The following ZMYM4 variants were observed in gnomAD, a reference collection of about 807,000 sequenced individuals.
ZMYM4 encodes zinc finger MYM-type containing 4.
ZMYM4 carries 31 observed loss-of-function variants against 183.2 expected under a neutral mutation model. The observed-to-expected ratio is 0.17, with a 90% CI of 0.13 to 0.23. The LOEUF is 0.23. Ranked by LOEUF, ZMYM4 falls within the 10% of genes least tolerant of loss-of-function variation. The pLI is 1.00. For missense variants in ZMYM4, 1,273 were observed against 1,840.3 expected (o/e 0.69, Z 5.64); for synonymous variants, 592 against 631.2 (o/e 0.94, Z 0.93).
rs1378984024 is a variant in ZMYM4, at chr1:35,399,509, A to G, written c.3461A>G (p.Gln1154Arg). ...SDSFDPLNKG[Q>R]GIQARSRTRR... ...TCCTTTGACCCACTTAATAAAGGAC[A>G]GGGAATCCAGGCACGTTCCCGAACA... Residue 1154 changes from glutamine to arginine, a missense_variant, in exon 23 of 30, where the codon CAG becomes CGG. By Grantham distance (43) the Gln-to-Arg change is conservative. This residue lies in a region of ZMYM4 where 133 missense variants were observed against 155.7 expected (regional missense o/e 0.85). Transcript: ENST00000314607. 5 of 1,614,178 alleles carry G rather than the reference A, an allele frequency of 3.1e-6. No individual in the cohort carries two copies. The highest frequency in any genetic ancestry group is 4.2e-6 in the Non-Finnish European group (5 of 1,180,016).
intron 19 of ZMYM4, 139 bp from the exon 20 acceptor site, chr1:35,397,238 G>C: frequency 1.8e-6 from 2 of 1,116,870 alleles, no homozygotes; most frequent in Non-Finnish European, 2.3e-6. Flanking sequence ...AAACAAACTA[G>C]CAAGACTATT....
chr1:35,359,579 G>C, intron 3 of ZMYM4, 133 bp downstream of exon 3: 1 of 977,010 alleles, frequency 1.0e-6, no homozygotes, highest in South Asian at 2.3e-5. Context: ...TTTTTCTTTT[G>C]TCCTTGTTCT....
chr1:35,417,085 A>C (rs1640146018), intron 28 of ZMYM4, among the ~76,000 whole-genome samples: 1 of 152,142 alleles, frequency 6.6e-6, no homozygotes, highest in South Asian at 2.1e-4. Context: ...TTAAGAGCAG[A>C]TATAGGCTGA....
At chr1:35,402,176 G>A (rs1644921853) in intron 23 of ZMYM4, among the ~76,000 whole-genome samples, 1 of 151,126 alleles carries the variant, frequency 6.6e-6, no homozygotes, top group Admixed American at 6.6e-5. Flanking sequence ...TGAATCCAGA[G>A]GGAGAGAATT....
At chr1:35,370,215 C>T (rs1393229976) in intron 6 of ZMYM4, 102 bp downstream of exon 6, 2 of 1,504,108 alleles carry the variant, frequency 1.3e-6, no homozygotes, top group Non-Finnish European at 1.8e-6. Context: ...TCTCTACCCA[C>T]TTAGGATGCC....
chr1:35,337,462 A>G (rs575487591), intron 2 of ZMYM4, among the ~76,000 whole-genome samples: 14 of 152,274 alleles, frequency 9.2e-5, no homozygotes, highest in Admixed American at 3.3e-4. Flanking sequence ...ATTCTTGCAT[A>G]TGTTTCTTTA....
chr1:35,311,419 T>C lies in ZMYM4; in HGVS notation c.40-13941T>C, dbSNP rs190657123. On this transcript the variant is annotated intron_variant, in intron 1 of 29. Transcript: ENST00000314607. The stretch of plus-strand genomic sequence containing the variant: ...CCTCGGCAACAAGAGCAAAACTCTG[T>C]CTCAAAAAAAAAAAAAAAAAAGTCA... Among the ~76,000 whole-genome samples the C allele has an allele frequency of 6.9e-5, 10 of 143,982 alleles. No individual in the cohort carries two copies. The East Asian group carries it at 2.0e-3, about 29-fold the overall frequency. The allele number at this position is 143,982 out of a possible 152,430, so 94.5% of individuals were successfully genotyped here. A position where few individuals can be genotyped will look rare whatever the true frequency, so the allele number is the denominator to read the frequency against.
In ZMYM4 at chr1:35,405,364, C is replaced by G; in HGVS notation, c.3701-9C>G. The G allele has an allele frequency of 1.3e-6, 2 of 1,596,874 alleles. No individual in the cohort carries two copies. Among genetic ancestry groups the G allele is most frequent in the South Asian group, 2.3e-5 (2 of 87,124 alleles). ...TTAAACTTTTCTTTTATGTTTCTCT[C>G]CTTGTCAGGGGTTGAACAGGCCTCA... On this transcript the variant is annotated splice_polypyrimidine_tract_variant and intron_variant, in intron 24 of 29. Transcript: ENST00000314607.
chr1:35,314,059 G>A (rs1641924721), intron 1 of ZMYM4, among the ~76,000 whole-genome samples: 1 of 152,072 alleles, frequency 6.6e-6, no homozygotes, highest in African/African-American at 2.4e-5. Flanking sequence ...TTAAATAATT[G>A]AGAAAACTTT....
At chr1:35,351,578 A>G in intron 2 of ZMYM4, 1 of 834,980 alleles carries the variant, frequency 1.2e-6, no homozygotes, top group Non-Finnish European at 2.0e-6. Flanking sequence ...AAACTCCCTC[A>G]GAGCTCAGGA....
At chr1:35,351,225 G>A in intron 2 of ZMYM4, 1 of 1,475,022 alleles carries the variant, frequency 6.8e-7, no homozygotes, top group Non-Finnish European at 9.5e-7. Context: ...TGTGGATGGA[G>A]GCTTGTCTGT....
chr1:35,343,547 C>CT (rs1362353831), intron 2 of ZMYM4, among the ~76,000 whole-genome samples: 1 of 152,034 alleles, frequency 6.6e-6, no homozygotes, highest in Non-Finnish European at 1.5e-5. Flanking sequence ...ATCACACTGT[C>CT]TTGGTTAATT....
Position 35,389,897 on chromosome 1 carries a change from C to T in ZMYM4, c.2437-51C>T. The T allele has an allele frequency of 1.3e-6, 2 of 1,547,662 alleles. No homozygotes were observed. The highest frequency in any genetic ancestry group is 1.7e-6 in the Non-Finnish European group (2 of 1,143,714). On this transcript the variant is annotated intron_variant, in intron 14 of 29. Transcript: ENST00000314607. The surrounding 1 kb of genome is among the most constrained non-coding windows in gnomAD (Gnocchi z 4.0). The stretch of plus-strand genomic sequence containing the variant: ...TATGTGTGTCTTATTTTTATTTTGT[C>T]AGACCACAGATAATTTGTTTCTTAC...
chr1:35,331,791 A>AAAATAAAT (rs562461345), intron 2 of ZMYM4, among the ~76,000 whole-genome samples: 993 of 84,458 alleles, frequency 0.012, 5 homozygotes, highest in Admixed American at 0.032. Context: ...CTCCATCTCA[A>AAAATAAAT]AAATACATAA....
chr1:35,415,072 G>T (rs1640060257), intron 27 of ZMYM4, among the ~76,000 whole-genome samples: 1 of 151,966 alleles, frequency 6.6e-6, no homozygotes, highest in Admixed American at 6.6e-5. Context: ...AAAATTATAT[G>T]ACTATAAATA....
intron 2 of ZMYM4, among the ~76,000 whole-genome samples, chr1:35,346,650 C>CAAAAAAAAAAAAAAAAAAAA (rs746472685): frequency 1.8e-5 from 1 of 54,188 alleles, no homozygotes; most frequent in Admixed American, 1.9e-4. Flanking sequence ...GACTCCATCT[C>CAAAAAAAAAAAAAAAAAAAA]AAAAAAAAAA....
intron 9 of ZMYM4, among the ~76,000 whole-genome samples, chr1:35,383,392 A>G (rs1315683059): frequency 6.6e-6 from 1 of 152,156 alleles, no homozygotes; most frequent in Non-Finnish European, 1.5e-5. Context: ...GTTTACCAAA[A>G]TTGGTGAATT....
chr1:35,318,582 C>G (rs1319054585), intron 1 of ZMYM4, among the ~76,000 whole-genome samples: 5 of 152,042 alleles, frequency 3.3e-5, no homozygotes, highest in Non-Finnish European at 7.4e-5. Flanking sequence ...CTCAGCCTCC[C>G]AAATAGCTGG....
chr1:35,380,929 G>C (rs1219945380), intron 7 of ZMYM4, among the ~76,000 whole-genome samples: 4 of 152,090 alleles, frequency 2.6e-5, no homozygotes, highest in Non-Finnish European at 5.9e-5. Flanking sequence ...TGAAAATACA[G>C]ATAATTCTAG....
Sources: allele counts gnomAD v4.1 joint callset (sites outside exome capture counted in the v4.1 genomes callset), GRCh38; gene constraint gnomAD v4.1.1; regional missense constraint gnomAD v4.1.1; non-coding constraint Gnocchi (gnomAD v3.1); transcripts MANE v1.5; gene names NCBI Gene and HGNC (gene_info 2026-07-23, HGNC 2026-07-21).